The following C12orf56 variants were observed in gnomAD, a reference collection of about 807,000 sequenced individuals.
C12orf56 encodes the protein chromosome 12 open reading frame 56, also known as uncharacterized protein C12orf56.
A neutral mutation model predicts 69.9 loss-of-function variants in C12orf56; 71 were observed. That is an observed-to-expected ratio of 1.02 (90% CI 0.84 to 1.24). The LOEUF is 1.24. Among genes scored for constraint, C12orf56 ranks in the 50% most tolerant of loss-of-function variants. The pLI, the probability that C12orf56 is intolerant of heterozygous loss-of-function variation, is 0.00. For missense variants in C12orf56, 732 were observed against 738.5 expected, an observed-to-expected ratio of 0.99 and a Z score of 0.10; for synonymous variants, 276 against 274.1, an observed-to-expected ratio of 1.01 and a Z score of -0.07.
At chr12:64,312,179 T>C (rs1319883970) in intron 5 of C12orf56, among the ~76,000 whole-genome samples, 2 of 152,170 alleles carry the variant, frequency 1.3e-5, no homozygotes, top group African/African-American at 4.8e-5. Flanking sequence ...TCTTTTAATA[T>C]GTTGACTTTA....
chr12:64,378,552 GCCT>G (rs1362287858), intron 1 of C12orf56, among the ~76,000 whole-genome samples: 2 of 151,986 alleles, frequency 1.3e-5, no homozygotes, highest in African/African-American at 2.4e-5. Flanking sequence ...TCATGCCTCA[GCCT>G]CCCAAGTAAC....
intron 8 of C12orf56, among the ~76,000 whole-genome samples, chr12:64,283,818 G>A (rs1160245264): frequency 2.6e-5 from 4 of 151,918 alleles, no homozygotes; most frequent in African/African-American, 9.7e-5. Flanking sequence ...GGCTCACCTT[G>A]TGTTTGAAAG....
chr12:64,317,311 A>T (rs2038701617), intron 4 of C12orf56, among the ~76,000 whole-genome samples: 1 of 152,126 alleles, frequency 6.6e-6, no homozygotes, highest in Non-Finnish European at 1.5e-5. Context: ...ATGTTGAAAG[A>T]TCAATAATAA....
chr12:64,294,374 A>G (rs1272482128), intron 6 of C12orf56, among the ~76,000 whole-genome samples: 1 of 152,230 alleles, frequency 6.6e-6, no homozygotes, highest in African/African-American at 2.4e-5. Context: ...TTAAAGAGAT[A>G]TCTTGCATAC....
At chr12:64,388,216 G>A (rs368463074) in intron 1 of C12orf56, among the ~76,000 whole-genome samples, 199 of 152,282 alleles carry the variant, frequency 1.3e-3, no homozygotes, top group African/African-American at 4.5e-3. Flanking sequence ...GGGATTACAG[G>A]CGTGAGCCAC....
intron 6 of C12orf56, among the ~76,000 whole-genome samples, chr12:64,288,781 T>G (rs1445165233): frequency 6.7e-6 from 1 of 149,808 alleles, no homozygotes; most frequent in Admixed American, 6.7e-5. Context: ...AGTCAGGTAG[T>G]GTGATGCCTC....
chr12:64,299,200 A>G (rs2038411185), intron 6 of C12orf56, among the ~76,000 whole-genome samples: 1 of 152,148 alleles, frequency 6.6e-6, no homozygotes, highest in African/African-American at 2.4e-5. Context: ...TTATTGGTGT[A>G]TAGGAATGCT....
intron 5 of C12orf56, among the ~76,000 whole-genome samples, chr12:64,308,334 C>T (rs2038543427): frequency 6.6e-6 from 1 of 152,050 alleles, no homozygotes; most frequent in Admixed American, 6.6e-5. Flanking sequence ...TAAATACATA[C>T]ATACATACAT....
At chr12:64,297,527 T>TC (rs2038382607) in intron 6 of C12orf56, among the ~76,000 whole-genome samples, 2 of 152,146 alleles carry the variant, frequency 1.3e-5, no homozygotes, top group African/African-American at 4.8e-5. Flanking sequence ...ATGCTATCCC[T>TC]CCCCTATTCC....
intron 5 of C12orf56, among the ~76,000 whole-genome samples, chr12:64,306,250 A>G (rs1298998935): frequency 1.3e-5 from 2 of 152,232 alleles, no homozygotes; most frequent in African/African-American, 2.4e-5. Context: ...TAGCTTATAC[A>G]TAGATGACAA....
chr12:64,308,952 AAAG>A lies in C12orf56; in HGVS notation c.968+3724_968+3726del, dbSNP rs1565749040. 1.0e-3 allele frequency among the ~76,000 whole-genome samples: 107 copies of A among 103,904 alleles called. 4 individuals carry two copies. The highest frequency in any genetic ancestry group is 2.9e-3 in the South Asian group (9 of 3,096). The allele number at this position is 103,904 out of a possible 152,430, so 68.2% of individuals were successfully genotyped here. On this transcript the variant is annotated intron_variant, in intron 5 of 12. Transcript: ENST00000543942. ...AGAAAGAAAGAAAGAAGAAAGAAAGAAAGAAAGAAAGAAAGAAAGAAAAGAAAG... is the reference window on the plus strand; with the variant it reads ...AGAAAGAAAGAAAGAAGAAAGAAAGAAAAGAAAGAAAGAAAGAAAAGAAAG...
At chr12:64,365,681 TAATATATTCTATTATATAATAC>T (rs2039458426) in intron 1 of C12orf56, among the ~76,000 whole-genome samples, 1 of 145,680 alleles carries the variant, frequency 6.9e-6, no homozygotes, top group African/African-American at 2.5e-5. Context: ...ATATATAATA[TAATATATTCTATTATATAATAC>T]AATATATAGT....
At chr12:64,328,501 A>G (rs149186390) in intron 3 of C12orf56, among the ~76,000 whole-genome samples, 2,755 of 151,648 alleles carry the variant, frequency 0.018, 92 homozygotes, top group African/African-American at 0.064. Flanking sequence ...CAACATGGTG[A>G]AACTCCATCT....
At chr12:64,377,775 C>G (rs1435813780) in intron 1 of C12orf56, among the ~76,000 whole-genome samples, 1 of 151,948 alleles carries the variant, frequency 6.6e-6, no homozygotes, top group Non-Finnish European at 1.5e-5. Flanking sequence ...CTACAAAGGC[C>G]AAAACTGAAA....
intron 2 of C12orf56, among the ~76,000 whole-genome samples, chr12:64,351,890 C>T (rs1040826505): frequency 6.7e-6 from 1 of 148,592 alleles, no homozygotes; most frequent in Non-Finnish European, 1.5e-5. Flanking sequence ...AAGCCACTTT[C>T]TTTCCTCTTT....
At chr12:64,367,964 C>A (rs989452952) in intron 1 of C12orf56, among the ~76,000 whole-genome samples, 1 of 151,720 alleles carries the variant, frequency 6.6e-6, no homozygotes, top group Non-Finnish European at 1.5e-5. Flanking sequence ...CATGCCACCA[C>A]GCCCAGCTAA....
intron 2 of C12orf56, among the ~76,000 whole-genome samples, chr12:64,350,513 A>G (rs1424153186): frequency 6.6e-6 from 1 of 152,248 alleles, no homozygotes; most frequent in African/African-American, 2.4e-5. Flanking sequence ...TAAGGAGTCA[A>G]GCTTGACTTG....
chr12:64,381,103 G>A (rs1003117750), intron 1 of C12orf56, among the ~76,000 whole-genome samples: 9 of 152,004 alleles, frequency 5.9e-5, no homozygotes, highest in Non-Finnish European at 1.3e-4. Flanking sequence ...CTGAGAATTC[G>A]GGGATTAGAG....
intron 2 of C12orf56, among the ~76,000 whole-genome samples, chr12:64,335,541 T>C (rs2038985532): frequency 6.6e-6 from 1 of 151,946 alleles, no homozygotes; most frequent in South Asian, 2.1e-4. Flanking sequence ...ATGTGAAAAG[T>C]ACAATTCAGG....
Sources: allele counts gnomAD v4.1 joint callset (sites outside exome capture counted in the v4.1 genomes callset), GRCh38; gene constraint gnomAD v4.1.1; transcripts MANE v1.5; gene names NCBI Gene and HGNC (gene_info 2026-07-23, HGNC 2026-07-21).